Variants in CDH23 observed in about 807,000 individuals in gnomAD.
CDH23 encodes the protein cadherin related 23.
A neutral mutation model predicts 317.1 loss-of-function variants in CDH23; 189 were observed. That is an observed-to-expected ratio of 0.60 (90% confidence interval 0.53 to 0.67). The LOEUF (loss-of-function observed/expected upper bound fraction) is 0.67. CDH23 is among the 30% of genes least tolerant of loss of function. CDH23 has a pLI of 0.00. For synonymous variants in CDH23, 1,839 were observed against 1,876.8 expected, an observed-to-expected ratio of 0.98 and a Z score of 0.52; for missense variants, 4,401 against 4,592.4, an observed-to-expected ratio of 0.96 and a Z score of 1.20.
intron 6 of CDH23, among the ~76,000 whole-genome samples, chr10:71,559,775 G>A (rs1308309770): frequency 6.6e-6 from 1 of 152,218 alleles, no homozygotes; most frequent in Non-Finnish European, 1.5e-5. Flanking sequence ...GAGCATACCT[G>A]GCACATTTTA....
intron 1 of CDH23, among the ~76,000 whole-genome samples, chr10:71,414,831 G>C (rs1289340150): frequency 6.6e-6 from 1 of 152,180 alleles, no homozygotes; most frequent in Non-Finnish European, 1.5e-5. Context: ...TGTGAGGTTA[G>C]ATTTCTTAGT....
intron 14 of CDH23, among the ~76,000 whole-genome samples, chr10:71,650,265 T>C (rs141849291): frequency 3.1e-3 from 469 of 152,286 alleles, no homozygotes; most frequent in Non-Finnish European, 5.1e-3. Flanking sequence ...TTCAGAGATA[T>C]TCGAGCACTT....
At position 71,793,408 on chromosome 10, in the gene CDH23, C is replaced by A; in HGVS notation, c.6480C>A (p.Val2160=). ...TTCCTCTCTCGGGCACAGCCATTGT[C>A]ACCATTCTGATCGATGACATCAATG... ...GTVPLSGTAI[V]TILIDDINDS... Residue 2160 remains valine, a synonymous_variant, in exon 48 of 70, where the codon GTC becomes GTA. Coordinates refer to ENST00000224721, the MANE Select transcript of CDH23 (RefSeq NM_022124.6). 1 of 1,614,054 alleles carries A rather than the reference C, an allele frequency of 6.2e-7. No homozygotes were observed. Among genetic ancestry groups the A allele is most frequent in the East Asian group, 2.2e-5 (1 of 44,888 alleles).
At chr10:71,641,176 A>C (rs1005708508) in intron 11 of CDH23, among the ~76,000 whole-genome samples, 4 of 152,148 alleles carry the variant, frequency 2.6e-5, no homozygotes, top group Admixed American at 6.5e-5. Context: ...TGCCGCAGTG[A>C]TGTCTTCCCA....
At chr10:71,615,691 C>T (rs763133193) in intron 10 of CDH23, 75 bp downstream of exon 10, 33 of 1,049,906 alleles carry the variant, frequency 3.1e-5, no homozygotes, top group Middle Eastern at 2.1e-4. Context: ...CAGCAGTGTC[C>T]GAGGGCTCCT....
chr10:71,663,907 A>T (rs1863777378), intron 14 of CDH23, among the ~76,000 whole-genome samples: 1 of 152,082 alleles, frequency 6.6e-6, no homozygotes, highest in Non-Finnish European at 1.5e-5. Context: ...AGGCTAAGGC[A>T]TGAGAGTTGC....
chr10:71,645,476 T>C (rs763513590), intron 12 of CDH23, among the ~76,000 whole-genome samples: 6 of 152,110 alleles, frequency 3.9e-5, no homozygotes, highest in Non-Finnish European at 8.8e-5. Flanking sequence ...CCTTCCTCTG[T>C]CTCCCCGCTG....
chr10:71,425,234 A>AGG, intron 1 of CDH23, among the ~76,000 whole-genome samples: 3 of 46,420 alleles, frequency 6.5e-5, no homozygotes, highest in Non-Finnish European at 1.1e-4. Context: ...AGAGAGAGGG[A>AGG]GAGAGAGAGA....
intron 6 of CDH23, among the ~76,000 whole-genome samples, chr10:71,520,059 C>T (rs1854578308): frequency 6.6e-6 from 1 of 152,214 alleles, no homozygotes. Context: ...CTGCCTGCTG[C>T]GGCTTCCTAA....
Position 71,774,759 on chromosome 10 carries a change from G to A in CDH23, c.4846-2921G>A, listed in dbSNP as rs1028368498. 3.3e-5 allele frequency among the ~76,000 whole-genome samples: 5 copies of A among 152,168 alleles called. 1 individual carries two copies. The South Asian group carries it at 8.3e-4, about 25-fold the overall frequency. ...GCTGAAGCTTCCAGGGGTTTTTCTG[G>A]CACTTTAGGGATCTTGGGTTAATAG... On this transcript the variant is annotated intron_variant, in intron 38 of 69. Transcript: ENST00000224721.
At chr10:71,734,626 C>G in intron 33 of CDH23, 30 bp from the exon 34 acceptor site, 2 of 1,535,682 alleles carry the variant, frequency 1.3e-6, no homozygotes, top group Non-Finnish European at 1.8e-6. Context: ...TTTTCTCTCA[C>G]TCCCCTCCTG....
chr10:71,576,944 T>G (rs1244834687), intron 8 of CDH23, among the ~76,000 whole-genome samples: 1 of 152,220 alleles, frequency 6.6e-6, no homozygotes, highest in Non-Finnish European at 1.5e-5. Flanking sequence ...AGGACAGTCT[T>G]ATGCCTCCAG....
chr10:71,655,769 C>T (rs537355315), intron 14 of CDH23, among the ~76,000 whole-genome samples: 2 of 152,098 alleles, frequency 1.3e-5, no homozygotes, highest in East Asian at 3.9e-4. Context: ...GGAATGTGGG[C>T]AGGAGAAGGT....
chr10:71,622,915 A>T (rs891703087), intron 11 of CDH23: 1 of 985,282 alleles, frequency 1.0e-6, no homozygotes, highest in African/African-American at 1.7e-5. Flanking sequence ...ATATTTCAGA[A>T]AGGCCTTCGG....
intron 17 of CDH23, among the ~76,000 whole-genome samples, chr10:71,680,974 G>A (rs185461072): frequency 4.6e-4 from 70 of 150,648 alleles, no homozygotes; most frequent in African/African-American, 1.4e-3. Flanking sequence ...GATTACAGTC[G>A]TGCCACCACG....
At position 71,556,387 on chromosome 10, in the gene CDH23, G is replaced by T. The variant is rs566888459; in HGVS notation, c.430-10355G>T. Among the ~76,000 whole-genome samples, 10 of 152,100 alleles carry T rather than the reference G, an allele frequency of 6.6e-5. No homozygotes were observed. In the South Asian group the frequency reaches 1.9e-3, roughly 28 times the overall value. On this transcript the variant is annotated intron_variant, in intron 6 of 69. Transcript: ENST00000224721. Reference sequence around the variant, plus strand: ...AGGCTGAGGCAGGCAGATCACTTGAGGTCAGGAGTTCAAGACCAGCCTGGC... The same window carrying T: ...AGGCTGAGGCAGGCAGATCACTTGATGTCAGGAGTTCAAGACCAGCCTGGC...
chr10:71,583,711 T>G (rs1858820969), intron 9 of CDH23, among the ~76,000 whole-genome samples: 1 of 152,108 alleles, frequency 6.6e-6, no homozygotes, highest in Admixed American at 6.5e-5. Context: ...CATCCCCGAG[T>G]GACGGGAGGA....
chr10:71,730,324 C>A, intron 30 of CDH23, 145 bp from the exon 31 acceptor site: 1 of 977,008 alleles, frequency 1.0e-6, no homozygotes, highest in Non-Finnish European at 1.5e-6. Flanking sequence ...CACAGTGACC[C>A]ACCAGACAGG....
intron 3 of CDH23, among the ~76,000 whole-genome samples, chr10:71,471,632 C>A (rs1851517786): frequency 6.6e-6 from 1 of 152,174 alleles, no homozygotes. Context: ...GCCAGCGCCA[C>A]CCCCATTGAC....
Sources: gnomAD v4.1 joint callset for allele counts (sites outside exome capture counted in the v4.1 genomes callset) on GRCh38, gnomAD v4.1.1 for gene constraint, MANE v1.5 for transcripts, NCBI Gene and HGNC (gene_info 2026-07-23, HGNC 2026-07-21) for gene names.